FOXO3: variants seen among roughly 807,000 people sequenced by gnomAD.
FOXO3 encodes forkhead box protein O3.
In FOXO3, 4 loss-of-function variants were observed where a neutral mutation model predicts 41.9. The ratio of observed to expected loss-of-function variants is 0.10; its 90% CI spans 0.05 to 0.22. The LOEUF (loss-of-function observed/expected upper bound fraction) is 0.22, where lower values mean the gene tolerates loss of function less well. Ranked by LOEUF, FOXO3 falls within the 10% of genes least tolerant of loss-of-function variation. The pLI, the probability that FOXO3 is intolerant of heterozygous loss-of-function variation, is 1.00. For missense variants in FOXO3, 534 were observed against 906.8 expected, an observed-to-expected ratio of 0.59 and a Z score of 5.28; for synonymous variants, 318 against 389.3, an observed-to-expected ratio of 0.82 and a Z score of 2.16.
rs1167975202 is a variant in FOXO3 at position 108,664,227 on chromosome 6, A to G, written c.1394A>G (p.Tyr465Cys). 4.3e-6 allele frequency: 7 copies of G among 1,610,446 alleles called. No individual in the cohort carries two copies. The highest frequency in any genetic ancestry group is 1.3e-5 in the African/African-American group (1 of 74,522). Residue 465 changes from tyrosine to cysteine, a missense_variant, in exon 2 of 3, where the codon TAT (tyrosine) becomes TGT (cysteine). By Grantham distance (194) the Tyr-to-Cys change is radical. Transcript: ENST00000406360. ...GCTACCTTCTCTTCCATGTCACACT[A>G]TGGTAACCAGACACTCCAGGACCTG... Reference protein sequence around the residue: ...KPATFSSMSHYGNQTLQDLLT... With the variant: ...KPATFSSMSHCGNQTLQDLLT...
intron 1 of FOXO3, among the ~76,000 whole-genome samples, chr6:108,575,465 T>C (rs533815203): frequency 6.6e-6 from 1 of 152,096 alleles, no homozygotes; most frequent in Non-Finnish European, 1.5e-5. Context: ...TAAAACACTT[T>C]CCTTAGATCT....
intron 2 of FOXO3, among the ~76,000 whole-genome samples, chr6:108,668,634 AG>A (rs1779125518): frequency 6.6e-6 from 1 of 152,180 alleles, no homozygotes; most frequent in Non-Finnish European, 1.5e-5. Context: ...AGACACCATT[AG>A]GGAGCAGCCC....
At chr6:108,600,214 G>A (rs1347956010) in intron 1 of FOXO3, among the ~76,000 whole-genome samples, 1 of 152,068 alleles carries the variant, frequency 6.6e-6, no homozygotes, top group East Asian at 1.9e-4. Context: ...ATGTTCCATC[G>A]ATATGAGCCT....
chr6:108,572,869 G>A (rs1582733920), intron 1 of FOXO3, among the ~76,000 whole-genome samples: 1 of 152,246 alleles, frequency 6.6e-6, no homozygotes, highest in Non-Finnish European at 1.5e-5. Context: ...AATGGTTCAG[G>A]AAGGTGAAAG....
At chr6:108,618,335 G>C (rs1294546870) in intron 1 of FOXO3, 2 of 616,964 alleles carry the variant, frequency 3.2e-6, no homozygotes, top group Admixed American at 2.2e-5. Context: ...GAGATATCAG[G>C]TCCACACTGA....
intron 1 of FOXO3, among the ~76,000 whole-genome samples, chr6:108,626,735 A>G (rs1340341821): frequency 6.6e-6 from 1 of 152,170 alleles, no homozygotes; most frequent in African/African-American, 2.4e-5. Flanking sequence ...TGGCCATGCC[A>G]GTATTTTGGT....
chr6:108,606,862 G>C (rs184117293), intron 1 of FOXO3, among the ~76,000 whole-genome samples: 2 of 152,172 alleles, frequency 1.3e-5, no homozygotes, highest in Admixed American at 6.5e-5. Flanking sequence ...GTGACAGGAG[G>C]GGGTGAGGAT....
chr6:108,604,542 C>G lies in FOXO3; in HGVS notation c.621+42713C>G, dbSNP rs561025530. Among the ~76,000 whole-genome samples, 5 of 152,152 alleles carry G rather than the reference C, an allele frequency of 3.3e-5. No homozygotes were observed. The South Asian group carries it at 1.0e-3, about 32-fold the overall frequency. The stretch of plus-strand genomic sequence containing the variant: ...TACTTCTGACACTGACATTTGTGAA[C>G]AAGGAATAATCAGTTTGCTTTCTTG... On this transcript the variant is annotated intron_variant, in intron 1 of 2. Transcript: ENST00000406360.
chr6:108,562,965 T>C (rs142376053), intron 1 of FOXO3, among the ~76,000 whole-genome samples: 3 of 152,366 alleles, frequency 2.0e-5, no homozygotes, highest in African/African-American at 4.8e-5. Flanking sequence ...ACATCTCTTA[T>C]CAGCTGCCCA....
intron 1 of FOXO3, among the ~76,000 whole-genome samples, chr6:108,648,429 C>T (rs1353039615): frequency 6.6e-6 from 1 of 152,206 alleles, no homozygotes; most frequent in African/African-American, 2.4e-5. Context: ...AAATGACTCT[C>T]TGGGGGTCTT....
chr6:108,674,806 G>T (rs1770520254), intron 2 of FOXO3, among the ~76,000 whole-genome samples: 3 of 152,144 alleles, frequency 2.0e-5, no homozygotes, highest in Admixed American at 2.0e-4. Context: ...AAGGGTTTTG[G>T]ATATTATAAT....
chr6:108,570,017 T>TTTTA, intron 1 of FOXO3, among the ~76,000 whole-genome samples: 1 of 100,540 alleles, frequency 9.9e-6, no homozygotes, highest in African/African-American at 3.5e-5. Context: ...TTTTTTTTTT[T>TTTTA]GAGACAGAAT....
chr6:108,658,355 T>A (rs1778748350), intron 1 of FOXO3, among the ~76,000 whole-genome samples: 1 of 152,138 alleles, frequency 6.6e-6, no homozygotes, highest in Admixed American at 6.5e-5. Flanking sequence ...TGTGTTGACT[T>A]AGTAATGTAA....
At chr6:108,657,158 A>G (rs1279097515) in intron 1 of FOXO3, among the ~76,000 whole-genome samples, 1 of 152,250 alleles carries the variant, frequency 6.6e-6, no homozygotes, top group Non-Finnish European at 1.5e-5. Flanking sequence ...AGATGGACAT[A>G]AAAATGAAAT....
chr6:108,650,190 G>C (rs1367162682), intron 1 of FOXO3, among the ~76,000 whole-genome samples: 1 of 152,118 alleles, frequency 6.6e-6, no homozygotes, highest in African/African-American at 2.4e-5. Context: ...GCATCCTCAG[G>C]AATGCCCTTA....
chr6:108,673,078 C>T (rs758934591), intron 2 of FOXO3, among the ~76,000 whole-genome samples: 5 of 152,178 alleles, frequency 3.3e-5, no homozygotes, highest in Admixed American at 6.5e-5. Flanking sequence ...ACAGCAATAC[C>T]GCCCAACGTA....
intron 1 of FOXO3, among the ~76,000 whole-genome samples, chr6:108,633,711 C>A (rs2128376800): frequency 6.6e-6 from 1 of 152,182 alleles, no homozygotes; most frequent in East Asian, 1.9e-4. Context: ...GCATTAAGAG[C>A]ATGATCTACT....
In FOXO3 at chr6:108,616,279, C is replaced by T. The variant is rs534047900; in HGVS notation, c.622-47176C>T. ...TCGTGGGTTCACACCATTCTCCTAC[C>T]TCAGCCTCCCGAGTAGCTGGGACTA... On this transcript the variant is annotated intron_variant, in intron 1 of 2. Coordinates refer to ENST00000406360, the MANE Select transcript of FOXO3 (RefSeq NM_001455.4). 2.0e-5 allele frequency among the ~76,000 whole-genome samples: 3 copies of T among 150,596 alleles called. No individual in the cohort carries two copies. The South Asian group carries it at 6.4e-4, about 32-fold the overall frequency.
intron 2 of FOXO3, among the ~76,000 whole-genome samples, chr6:108,670,973 G>T (rs145382147): frequency 5.6e-4 from 86 of 152,324 alleles, no homozygotes; most frequent in African/African-American, 2.0e-3. Context: ...ATAGAAGTGG[G>T]TAAAAAGGGT....
Sources: gnomAD v4.1 joint callset for allele counts (sites outside exome capture counted in the v4.1 genomes callset) on GRCh38, gnomAD v4.1.1 for gene constraint, MANE v1.5 for transcripts, NCBI Gene and HGNC (gene_info 2026-07-23, HGNC 2026-07-21) for gene names.